Variants in COQ10B observed in about 807,000 individuals in gnomAD.
COQ10B encodes coenzyme Q-binding protein COQ10 homolog B, mitochondrial.
Under a neutral mutation model 27.6 loss-of-function variants are expected in COQ10B, and 12 were observed. The ratio of observed to expected loss-of-function variants is 0.43; its 90% CI spans 0.28 to 0.70. The LOEUF (loss-of-function observed/expected upper bound fraction) is 0.70, where lower values mean the gene tolerates loss of function less well. Among genes scored for constraint, COQ10B ranks in the 30% least tolerant of loss-of-function variants. The pLI is 0.17. For missense variants in COQ10B, 278 were observed against 288.7 expected, an observed-to-expected ratio of 0.96 and a Z score of 0.27; for synonymous variants, 115 against 103.0, an observed-to-expected ratio of 1.12 and a Z score of -0.71.
intron 2 of COQ10B, 98 bp downstream of exon 2, chr2:197,460,179 A>G: frequency 2.5e-6 from 2 of 792,678 alleles, no homozygotes; most frequent in Non-Finnish European, 3.7e-6. Flanking sequence ...CTTCTTACAG[A>G]CTAAGCTCTC....
At chr2:197,455,955 A>T (rs2085693877) in intron 1 of COQ10B, among the ~76,000 whole-genome samples, 1 of 152,006 alleles carries the variant, frequency 6.6e-6, no homozygotes, top group South Asian at 2.1e-4. Context: ...TGAGACCCTG[A>T]CTCAAACACA....
In COQ10B at chr2:197,474,073, A is replaced by C. The variant is rs1236621857; in HGVS notation, c.*149A>C. The C allele has an allele frequency of 2.2e-6, 1 of 455,828 alleles. No individual in the cohort carries two copies. Among genetic ancestry groups the C allele is most frequent in the Admixed American group, 4.2e-5 (1 of 23,964 alleles). The allele number at this position is 455,828 out of a possible 1,614,324, so 28.2% of individuals were successfully genotyped here. On this transcript the variant is annotated 3_prime_UTR_variant, in exon 5 of 5. Transcript: ENST00000263960. Reference sequence around the variant, plus strand: ...GCACCATTGAAAATTTGCACATAGAATATAGACTCACTTGTACATAGAATT... The same window carrying C: ...GCACCATTGAAAATTTGCACATAGACTATAGACTCACTTGTACATAGAATT...
At chr2:197,463,178 G>GTC (rs937646137) in intron 3 of COQ10B, among the ~76,000 whole-genome samples, 2 of 152,066 alleles carry the variant, frequency 1.3e-5, no homozygotes, top group Non-Finnish European at 2.9e-5. Context: ...ATAAAGAAAG[G>GTC]TAGAAAAGAT....
intron 3 of COQ10B, among the ~76,000 whole-genome samples, chr2:197,465,451 G>A (rs748336370): frequency 1.3e-4 from 20 of 151,912 alleles, no homozygotes; most frequent in Non-Finnish European, 1.9e-4. Flanking sequence ...CACCACGCTC[G>A]GCTATTTTTT....
intron 1 of COQ10B, among the ~76,000 whole-genome samples, chr2:197,455,577 A>T (rs2085688807): frequency 6.6e-6 from 1 of 152,086 alleles, no homozygotes. Flanking sequence ...AGATGGGAGG[A>T]TCACTTGAAC....
At chr2:197,469,778 C>G (rs1013313066) in intron 3 of COQ10B, among the ~76,000 whole-genome samples, 3 of 152,096 alleles carry the variant, frequency 2.0e-5, no homozygotes, top group African/African-American at 7.2e-5. Context: ...CCAAGAAGCT[C>G]CCTCTTTTGC....
rs1183957045 is a variant in COQ10B at position 197,462,542 on chromosome 2, T to C, written c.258T>C (p.Tyr86=). The change falls in exon 3 of 5, where the codon TAT becomes TAC. Residue 86 remains tyrosine (Y), a synonymous_variant. Transcript: ENST00000263960. ...KEYSERRILG[Y]SMQEMYDVVS... ...TTTTTATTTTTATTTTTTAAAGATATTCAATGCAGGAAATGTATGATGTAG... is the reference window on the plus strand; with the variant it reads ...TTTTTATTTTTATTTTTTAAAGATACTCAATGCAGGAAATGTATGATGTAG... 6.5e-7 allele frequency: 1 copy of C among 1,537,150 alleles called. No homozygotes were observed. Among genetic ancestry groups the C allele is most frequent in the Non-Finnish European group, 8.8e-7 (1 of 1,130,204 alleles).
chr2:197,466,170 C>T (rs2085823411), intron 3 of COQ10B, among the ~76,000 whole-genome samples: 2 of 152,214 alleles, frequency 1.3e-5, no homozygotes, highest in Non-Finnish European at 2.9e-5. Flanking sequence ...GACCCATTTA[C>T]TTCCCTGCTC....
intron 2 of COQ10B, 69 bp from the exon 3 acceptor site, chr2:197,462,470 C>A: frequency 1.3e-6 from 1 of 786,532 alleles, no homozygotes; most frequent in Non-Finnish European, 2.0e-6. Context: ...TACATATTCA[C>A]TTTAAAGTAT....
intron 3 of COQ10B, among the ~76,000 whole-genome samples, chr2:197,466,795 C>G (rs776751829): frequency 6.6e-6 from 1 of 152,026 alleles, no homozygotes; most frequent in African/African-American, 2.4e-5. Context: ...GTGTCTGACT[C>G]CAAAACTATT....
chr2:197,470,693 G>A (rs1253240577), intron 4 of COQ10B, among the ~76,000 whole-genome samples: 3 of 152,080 alleles, frequency 2.0e-5, no homozygotes, highest in African/African-American at 4.8e-5. Context: ...TCAGGAGTTC[G>A]AGACCAGCCT....
At chr2:197,454,933 A>G (rs2085680278) in intron 1 of COQ10B, among the ~76,000 whole-genome samples, 1 of 152,092 alleles carries the variant, frequency 6.6e-6, no homozygotes, top group South Asian at 2.1e-4. Flanking sequence ...TCATGGTTTA[A>G]CTGTATATAT....
intron 3 of COQ10B, among the ~76,000 whole-genome samples, chr2:197,464,008 C>T (rs1387102287): frequency 8.8e-6 from 1 of 113,816 alleles, no homozygotes; most frequent in Non-Finnish European, 1.8e-5. Context: ...CACACACACA[C>T]ACACACACAC....
intron 1 of COQ10B, chr2:197,454,270 G>C: frequency 1.3e-6 from 1 of 785,264 alleles, no homozygotes; most frequent in Non-Finnish European, 2.0e-6. Flanking sequence ...TTGGTAGGTG[G>C]GGGTGGAGAT....
At chr2:197,467,313 C>G (rs1377911988) in intron 3 of COQ10B, among the ~76,000 whole-genome samples, 2 of 150,442 alleles carry the variant, frequency 1.3e-5, no homozygotes, top group African/African-American at 4.9e-5. Context: ...CTCTTGTTAC[C>G]CAGGTTCTGG....
At chr2:197,471,219 T>C (rs1168733583) in intron 4 of COQ10B, among the ~76,000 whole-genome samples, 1 of 152,144 alleles carries the variant, frequency 6.6e-6, no homozygotes, top group Non-Finnish European at 1.5e-5. Flanking sequence ...ATTGACTCAG[T>C]GTAACCTCTG....
At chr2:197,463,036 C>G (rs1030766580) in intron 3 of COQ10B, among the ~76,000 whole-genome samples, 2 of 151,884 alleles carry the variant, frequency 1.3e-5, no homozygotes, top group African/African-American at 4.8e-5. Flanking sequence ...AATTTTTCAA[C>G]TGTTTTAAAA....
intron 1 of COQ10B, among the ~76,000 whole-genome samples, chr2:197,458,623 C>G (rs2085724343): frequency 1.3e-5 from 2 of 151,690 alleles, no homozygotes; most frequent in Non-Finnish European, 2.9e-5. Context: ...CCAGCAATGA[C>G]TAAATGACTA....
At chr2:197,464,410 G>C (rs906645198) in intron 3 of COQ10B, among the ~76,000 whole-genome samples, 1 of 152,038 alleles carries the variant, frequency 6.6e-6, no homozygotes, top group Non-Finnish European at 1.5e-5. Flanking sequence ...ATTGAAGGGG[G>C]TGCAGCTCTC....
Sources: gnomAD v4.1 joint callset for allele counts (sites outside exome capture counted in the v4.1 genomes callset) on GRCh38, gnomAD v4.1.1 for gene constraint, MANE v1.5 for transcripts, NCBI Gene and HGNC (gene_info 2026-07-23, HGNC 2026-07-21) for gene names.